Variants in FANCD2OS observed in about 807,000 individuals in gnomAD.
FANCD2OS encodes FANCD2 opposite strand.
FANCD2OS carries 11 observed loss-of-function variants against 13.2 expected under a neutral mutation model. That is an observed-to-expected ratio of 0.83 (90% confidence interval 0.52 to 1.38). The LOEUF (loss-of-function observed/expected upper bound fraction) is 1.38. Ranked by LOEUF, FANCD2OS falls within the 40% of genes most tolerant of loss-of-function variation. The pLI, the probability that FANCD2OS is intolerant of heterozygous loss-of-function variation, is 0.00. For missense variants in FANCD2OS, 217 were observed against 213.9 expected (o/e 1.01, Z -0.09); for synonymous variants, 69 against 84.5 (o/e 0.82, Z 1.01).
downstream of FANCD2OS, among the ~76,000 whole-genome samples, chr3:10,102,645 A>G (rs1311097305): frequency 2.0e-5 from 3 of 151,554 alleles, no homozygotes; most frequent in Non-Finnish European, 4.4e-5. Context: ...GATCGAGACC[A>G]TCCTGGCTAA....
At chr3:10,100,455 T>G (rs940136100), downstream of FANCD2OS, among the ~76,000 whole-genome samples, 2 of 152,156 alleles carry the variant, frequency 1.3e-5, no homozygotes, top group African/African-American at 4.8e-5. Flanking sequence ...CTCACTGCAG[T>G]CTGTCTCCCG....
At chr3:10,100,635 G>A (rs1001771926), downstream of FANCD2OS, among the ~76,000 whole-genome samples, 1 of 152,152 alleles carries the variant, frequency 6.6e-6, no homozygotes, top group Non-Finnish European at 1.5e-5. Flanking sequence ...GCCTTCCAAA[G>A]TGTTGGGATT....
intron 2 of FANCD2OS, chr3:10,085,740 C>T (rs1694154838): frequency 1.0e-6 from 1 of 976,050 alleles, no homozygotes; most frequent in African/African-American, 1.6e-5. Context: ...AGACTGGAGG[C>T]CAGGATCCTT....
chr3:10,090,370 A>C (rs1694515790), intron 2 of FANCD2OS: 1 of 1,609,958 alleles, frequency 6.2e-7, no homozygotes, highest in Admixed American at 1.7e-5. Flanking sequence ...CTGGCACAGC[A>C]GCAGACTCGC....
At chr3:10,105,772 TTATATATATATATATATA>T (rs574690780) in intron 1 of FANCD2OS, among the ~76,000 whole-genome samples, 235 of 22,640 alleles carry the variant, frequency 0.01, 7 homozygotes, top group Middle Eastern at 0.033. Flanking sequence ...AAAAAAAAAA[TTATATATATATATATATA>T]TATATATATA....
intron 2 of FANCD2OS, chr3:10,090,266 G>T (rs749891839): frequency 6.5e-7 from 1 of 1,535,004 alleles, no homozygotes; most frequent in South Asian, 1.1e-5. Flanking sequence ...CATGGTGTGG[G>T]CACGCATGCT....
rs1364991731 is a variant in FANCD2OS at position 10,108,081 on chromosome 3, GTCTGGAGCTGCCGAGAGTGCGA to G, written c.-97_-76del. The stretch of plus-strand genomic sequence containing the variant: ...TGAACTGTAAACGGAGATCCCGAGG[GTCTGGAGCTGCCGAGAGTGCGA>G]GAGGCTCCCACTCCCCGCCGGAAGA... On this transcript the variant is annotated 5_prime_UTR_variant, in exon 1 of 2. Coordinates refer to ENST00000450660, the MANE Select transcript of FANCD2OS (RefSeq NM_001164839.2). 1 of 99,412 alleles carries G rather than the reference GTCTGGAGCTGCCGAGAGTGCGA, an allele frequency of 1.0e-5. No individual in the cohort carries two copies. Among genetic ancestry groups the G allele is most frequent in the Non-Finnish European group, 2.1e-5 (1 of 47,874 alleles). 6.2% of individuals were successfully genotyped at this position (99,412 alleles called of 1,614,324 possible).
intron 2 of FANCD2OS, among the ~76,000 whole-genome samples, chr3:10,089,130 C>CA (rs564342097): frequency 1.3e-5 from 2 of 151,982 alleles, no homozygotes; most frequent in Non-Finnish European, 2.9e-5. Context: ...ACTAAAAATA[C>CA]AAAAATTAGC....
chr3:10,104,029 C>A lies in FANCD2OS; in HGVS notation c.*212G>T. ...GCTAGTTTGACTCTAAATGGTTCAA[C>A]CTTACAATGGGAATGTTCTTCCTTG... On this transcript the variant is annotated 3_prime_UTR_variant, in exon 2 of 2. Transcript: ENST00000450660. The A allele has an allele frequency of 1.8e-6, 1 of 560,710 alleles. No homozygotes were observed. The allele number at this position is 560,710 out of a possible 1,614,324, so 34.7% of individuals were successfully genotyped here.
chr3:10,104,813 C>T (rs746204096), intron 1 of FANCD2OS, 31 bp from the exon 2 acceptor site: 26 of 1,519,368 alleles, frequency 1.7e-5, no homozygotes, highest in Non-Finnish European at 2.3e-5. Flanking sequence ...CATGGAATTT[C>T]CCTGACATGC....
downstream of FANCD2OS, among the ~76,000 whole-genome samples, chr3:10,098,473 G>A (rs1171231520): frequency 1.3e-5 from 2 of 152,118 alleles, no homozygotes; most frequent in African/African-American, 4.8e-5. Flanking sequence ...AAAATGTAGT[G>A]TGATACTAGC....
At chr3:10,087,051 C>G in intron 2 of FANCD2OS, 3 of 1,484,354 alleles carry the variant, frequency 2.0e-6, no homozygotes, top group Non-Finnish European at 2.8e-6. Context: ...CTGAAAGGGA[C>G]TTGGGCACGT....
At chr3:10,089,088 C>A in intron 2 of FANCD2OS, 2 of 948,352 alleles carry the variant, frequency 2.1e-6, no homozygotes, top group South Asian at 2.7e-5. Context: ...GTTTTGAGAC[C>A]CACTTGGCCA....
At chr3:10,098,753 A>G, downstream of FANCD2OS, 1 of 1,614,164 alleles carries the variant, frequency 6.2e-7, no homozygotes, top group South Asian at 1.1e-5. Flanking sequence ...TTCCCAGGAG[A>G]GCACAGCAGA....
chr3:10,085,688 CCT>C (rs1184194508), intron 2 of FANCD2OS: 4 of 755,736 alleles, frequency 5.3e-6, no homozygotes, highest in Non-Finnish European at 9.7e-6. Context: ...CCACGCCCGA[CCT>C]CTCAATTCTT....
chr3:10,103,931 T>G, downstream of FANCD2OS: 1 of 274,430 alleles, frequency 3.6e-6, no homozygotes, highest in Non-Finnish European at 6.8e-6. Context: ...TGGTTGTAGG[T>G]GTTTATGTGA....
intron 2 of FANCD2OS, among the ~76,000 whole-genome samples, chr3:10,094,589 A>G (rs554033260): frequency 2.6e-5 from 4 of 152,198 alleles, no homozygotes; most frequent in African/African-American, 9.6e-5. Flanking sequence ...CAGATCTGAC[A>G]GTGGTCTTCC....
At chr3:10,091,930 G>C (rs1446703258) in intron 2 of FANCD2OS, among the ~76,000 whole-genome samples, 1 of 152,148 alleles carries the variant, frequency 6.6e-6, no homozygotes, top group Non-Finnish European at 1.5e-5. Context: ...ATGTTGCAAA[G>C]GCTTTTACTT....
At chr3:10,105,053 A>C (rs1203485440) in intron 1 of FANCD2OS, among the ~76,000 whole-genome samples, 1 of 152,074 alleles carries the variant, frequency 6.6e-6, no homozygotes, top group Non-Finnish European at 1.5e-5. Context: ...GAGTTTTGCC[A>C]TGTTGGCCAG....
Sources: allele counts gnomAD v4.1 joint callset (sites outside exome capture counted in the v4.1 genomes callset), GRCh38; gene constraint gnomAD v4.1.1; transcripts MANE v1.5; gene names NCBI Gene and HGNC (gene_info 2026-07-23, HGNC 2026-07-21).